The following OVOL2 variants were observed in gnomAD, a reference collection of about 807,000 sequenced individuals.
The protein encoded by OVOL2 is transcription factor Ovo-like 2.
Under a neutral mutation model 18.1 loss-of-function variants are expected in OVOL2, and 13 were observed. The observed-to-expected ratio is 0.72, with a 90% CI of 0.47 to 1.14. The LOEUF is 1.14. Among genes scored for constraint, OVOL2 ranks in the 50% most tolerant of loss-of-function variants. The pLI, the probability that OVOL2 is intolerant of heterozygous loss-of-function variation, is 0.00. For missense variants in OVOL2, 335 were observed against 383.0 expected (o/e 0.87, Z 1.05); for synonymous variants, 166 against 162.7 (o/e 1.02, Z -0.16).
At position 18,056,827 on chromosome 20, in the gene OVOL2, C is replaced by T; in HGVS notation, c.151G>A (p.Gly51Ser). ...CTGCCGCTGCCGCTGCTGCTGCCGC[C>T]GTCGCTGCGGCAGTCCTCGGGGGGG... is the stretch of plus-strand genomic sequence containing the variant. The part of the protein sequence containing the change: ...HDPPEDCRSD[G>S]GSSSGSGSSS... Residue 51 changes from glycine to serine, a missense_variant, in exon 2 of 4, where the codon GGC (glycine) becomes AGC (serine). Coordinates refer to ENST00000278780, the MANE Select transcript of OVOL2 (RefSeq NM_021220.4). The surrounding 1 kb of genome is among the most constrained non-coding windows in gnomAD (Gnocchi z 4.2). 1 of 1,490,592 alleles carries T rather than the reference C, an allele frequency of 6.7e-7. No individual in the cohort carries two copies. The allele number at this position is 1,490,592 out of a possible 1,614,324, so 92.3% of individuals were successfully genotyped here. A position where few individuals can be genotyped will look rare whatever the true frequency, so the allele number is the denominator to read the frequency against.
chr20:18,056,592 C>A lies in OVOL2; in HGVS notation c.321+65G>T. On this transcript the variant is annotated intron_variant, in intron 2 of 3. Transcript: ENST00000278780. The surrounding 1 kb of genome is among the most constrained non-coding windows in gnomAD (Gnocchi z 4.2). ...AGGCGGGCGCGGCAGGGAGGGGCGC[C>A]GGCCTCGGGAGCCCGACGCCAGGGC... The A allele has an allele frequency of 7.7e-7, 1 of 1,300,160 alleles. No homozygotes were observed. The highest frequency in any genetic ancestry group is 4.3e-5 in the Admixed American group (1 of 23,512). 80.5% of individuals were successfully genotyped at this position (1,300,160 alleles called of 1,614,324 possible). A position where few individuals can be genotyped will look rare whatever the true frequency, so the allele number is the denominator to read the frequency against.
upstream of OVOL2, chr20:18,057,985 G>T: frequency 1.4e-6 from 1 of 731,298 alleles, no homozygotes; most frequent in Non-Finnish European, 1.8e-6. This position sits in a 1 kb window ranked among gnomAD's most constrained non-coding sequence, Gnocchi z 6.3. Context: ...CGGTTCCGGC[G>T]GCCGGGGCTG....
intron 3 of OVOL2, among the ~76,000 whole-genome samples, chr20:18,034,159 C>G (rs967687668): frequency 6.6e-6 from 1 of 152,246 alleles, no homozygotes; most frequent in East Asian, 1.9e-4. Context: ...AGTGCATGTC[C>G]CCAGCTGTCG....
intron 3 of OVOL2, among the ~76,000 whole-genome samples, chr20:18,037,627 C>T (rs1159717359): frequency 6.6e-6 from 1 of 152,204 alleles, no homozygotes; most frequent in Non-Finnish European, 1.5e-5. Flanking sequence ...GGATGCTCTC[C>T]AGGCCTGCAA....
intron 2 of OVOL2, among the ~76,000 whole-genome samples, chr20:18,055,899 G>A (rs1285122714): frequency 6.6e-6 from 1 of 152,206 alleles, no homozygotes; most frequent in Non-Finnish European, 1.5e-5. Context: ...GTGGGTAGCG[G>A]ATACCTTTGA....
chr20:18,039,643 A>G (rs1457136878), intron 3 of OVOL2, among the ~76,000 whole-genome samples: 1 of 151,036 alleles, frequency 6.6e-6, no homozygotes, highest in Non-Finnish European at 1.5e-5. Flanking sequence ...AAGAAAGAAA[A>G]GAAAAAGTTT....
At position 18,040,659 on chromosome 20, in the gene OVOL2, C is replaced by T. The variant is rs192683191; in HGVS notation, c.511+875G>A. Reference sequence around the variant, plus strand: ...GGCCGAGACAAGAGGCCAAGGGCACCCCCAGGACTCTGTGAAGAACTGGAA... The same window carrying T: ...GGCCGAGACAAGAGGCCAAGGGCACTCCCAGGACTCTGTGAAGAACTGGAA... On this transcript the variant is annotated intron_variant, in intron 3 of 3. Transcript: ENST00000278780. Among the ~76,000 whole-genome samples, 157 of 152,180 alleles carry T rather than the reference C, an allele frequency of 1.0e-3. 2 individuals carry two copies. The highest frequency in any genetic ancestry group is 8.3e-3 in the South Asian group (40 of 4,812).
At position 18,057,611 on chromosome 20, in the gene OVOL2, C is replaced by T; in HGVS notation, c.24G>A (p.Lys8=). The change falls in exon 1 of 4, where the codon AAG becomes AAA. Residue 8 remains lysine (K), a synonymous_variant. Transcript: ENST00000278780. The surrounding 1 kb of genome is among the most constrained non-coding windows in gnomAD (Gnocchi z 6.3). ...GGACCGAGACCCCCAGGCTCCTCCT[C>T]TTCACCAGGAAGACTTTGGGCATGG... MPKVFLV[K]RRSLGVSVRS... 6.3e-7 allele frequency: 1 copy of T among 1,592,258 alleles called. No homozygotes were observed. The highest frequency in any genetic ancestry group is 1.1e-5 in the South Asian group (1 of 87,870).
chr20:18,057,870 G>A lies in OVOL2; in HGVS notation c.-236C>T. The A allele has an allele frequency of 3.0e-6, 4 of 1,337,152 alleles. No homozygotes were observed. The South Asian group carries it at 5.8e-5, about 20-fold the overall frequency. 82.8% of individuals were successfully genotyped at this position (1,337,152 alleles called of 1,614,324 possible). A position where few individuals can be genotyped will look rare whatever the true frequency, so the allele number is the denominator to read the frequency against. ...CTTAAATCGCGAGTGAGACCACGCC[G>A]GGGAAAAAGTTTCATAAGGTGGAAT... On this transcript the variant is annotated 5_prime_UTR_variant, in exon 1 of 4. Transcript: ENST00000278780. This position sits in a 1 kb window ranked among gnomAD's most constrained non-coding sequence, Gnocchi z 6.3.
chr20:18,042,941 C>T (rs1423177323), intron 2 of OVOL2, among the ~76,000 whole-genome samples: 1 of 152,138 alleles, frequency 6.6e-6, no homozygotes, highest in Non-Finnish European at 1.5e-5. Context: ...GCCTGCAGAA[C>T]CATGAGCCAT....
intron 2 of OVOL2, among the ~76,000 whole-genome samples, chr20:18,052,119 G>A (rs770319876): frequency 5.9e-5 from 9 of 152,162 alleles, no homozygotes; most frequent in Admixed American, 1.3e-4. Flanking sequence ...CCAACTATCC[G>A]TTTAGAGAAA....
intron 3 of OVOL2, among the ~76,000 whole-genome samples, chr20:18,034,626 TTCTCTC>T (rs11466923): frequency 1.3e-4 from 18 of 138,130 alleles, no homozygotes; most frequent in South Asian, 2.3e-4. Flanking sequence ...CTTCCCCTCT[TTCTCTC>T]TCTCTCTCTC....
At chr20:18,031,275 T>A (rs2036568337) in intron 3 of OVOL2, among the ~76,000 whole-genome samples, 1 of 152,190 alleles carries the variant, frequency 6.6e-6, no homozygotes, top group African/African-American at 2.4e-5. Context: ...TCATAGCTCT[T>A]GCATGGCTGC....
chr20:18,042,503 G>T (rs925190999), intron 2 of OVOL2, among the ~76,000 whole-genome samples: 1 of 151,972 alleles, frequency 6.6e-6, no homozygotes, highest in African/African-American at 2.4e-5. Flanking sequence ...GTGGCCAGGC[G>T]CGGCGTCTCA....
At chr20:18,044,423 G>C (rs573324410) in intron 2 of OVOL2, among the ~76,000 whole-genome samples, 1 of 152,174 alleles carries the variant, frequency 6.6e-6, no homozygotes, top group Non-Finnish European at 1.5e-5. Flanking sequence ...TGCACAATCA[G>C]TATGTGCTGA....
chr20:18,041,893 T>G (rs2036673582), intron 2 of OVOL2, among the ~76,000 whole-genome samples, 170 bp from the exon 3 acceptor site: 1 of 144,466 alleles, frequency 6.9e-6, no homozygotes. Context: ...AACTGGCAGT[T>G]CCTCCCACCC....
At chr20:18,042,942 C>T (rs2036688025) in intron 2 of OVOL2, among the ~76,000 whole-genome samples, 1 of 152,150 alleles carries the variant, frequency 6.6e-6, no homozygotes, top group Non-Finnish European at 1.5e-5. Context: ...CCTGCAGAAC[C>T]ATGAGCCATA....
intron 3 of OVOL2, among the ~76,000 whole-genome samples, chr20:18,036,231 T>C (rs1241455071): frequency 1.3e-5 from 2 of 152,074 alleles, no homozygotes; most frequent in Non-Finnish European, 2.9e-5. Context: ...AGGCAGAGGT[T>C]GCAGTGAGCC....
chr20:18,036,531 C>T (rs11698070), intron 3 of OVOL2, among the ~76,000 whole-genome samples: 18,473 of 152,030 alleles, frequency 0.12, 1,246 homozygotes, highest in South Asian at 0.18. Flanking sequence ...ACTGCGAAAC[C>T]CTTTGGGAAA....
Sources: allele counts gnomAD v4.1 joint callset (sites outside exome capture counted in the v4.1 genomes callset), GRCh38; gene constraint gnomAD v4.1.1; non-coding constraint Gnocchi (gnomAD v3.1); transcripts MANE v1.5; gene names NCBI Gene and HGNC (gene_info 2026-07-23, HGNC 2026-07-21).